Variants in SULF2 observed in about 807,000 individuals in gnomAD.
SULF2 encodes sulfatase 2.
SULF2 carries 52 observed loss-of-function variants against 107.7 expected under a neutral mutation model. The ratio of observed to expected loss-of-function variants is 0.48; its 90% CI spans 0.39 to 0.61. SULF2 has a LOEUF of 0.61. Among genes scored for constraint, SULF2 ranks in the 20% least tolerant of loss-of-function variants. The pLI is 0.00. For missense variants in SULF2, 993 were observed against 1,177.3 expected (o/e 0.84, Z 2.29); for synonymous variants, 460 against 464.3 (o/e 0.99, Z 0.12).
intron 1 of SULF2, among the ~76,000 whole-genome samples, chr20:47,773,841 C>G (rs1017621050): frequency 2.0e-5 from 3 of 152,200 alleles, no homozygotes; most frequent in African/African-American, 7.2e-5. Context: ...CCCACATTTT[C>G]TTAGCCCTGC....
chr20:47,671,330 C>G (rs946724649), intron 11 of SULF2, among the ~76,000 whole-genome samples: 1 of 151,888 alleles, frequency 6.6e-6, no homozygotes, highest in African/African-American at 2.4e-5. Context: ...TTTTTGAGAC[C>G]GAGTCTCACT....
At position 47,738,855 on chromosome 20, in the gene SULF2, T is replaced by C. The variant is rs528840879; in HGVS notation, c.176-1913A>G. On this transcript the variant is annotated intron_variant, in intron 2 of 20. Coordinates refer to ENST00000688720, the MANE Select transcript of SULF2 (RefSeq NM_001387048.1). Reference sequence around the variant, plus strand: ...GAAGACAGACCAATACAGGGTGTCTTTGCAGATGTAATTAAATTGAGGCTA... The same window carrying C: ...GAAGACAGACCAATACAGGGTGTCTCTGCAGATGTAATTAAATTGAGGCTA... 7.2e-5 allele frequency among the ~76,000 whole-genome samples: 11 copies of C among 152,312 alleles called. No homozygotes were observed. The South Asian group carries it at 8.3e-4, about 11-fold the overall frequency.
rs990307245 is a variant in SULF2 at position 47,664,028 on chromosome 20, G to A, written c.2057+102C>T. ...GCTACCGTGGACTTCCCAGGGAAGG[G>A]CCTGGACTTCTTTCCTTTTCTTCTG... On this transcript the variant is annotated intron_variant, in intron 15 of 20. Transcript: ENST00000688720. 11 of 1,273,620 alleles carry A rather than the reference G, an allele frequency of 8.6e-6. 1 individual carries two copies. The Middle Eastern group carries it at 1.2e-3, about 138-fold the overall frequency. The allele number at this position is 1,273,620 out of a possible 1,614,324, so 78.9% of individuals were successfully genotyped here. A position where few individuals can be genotyped will look rare whatever the true frequency, so the allele number is the denominator to read the frequency against.
intron 4 of SULF2, among the ~76,000 whole-genome samples, chr20:47,696,204 C>T (rs1316700160): frequency 3.3e-5 from 5 of 152,296 alleles, no homozygotes; most frequent in African/African-American, 1.2e-4. Flanking sequence ...GGAATAGACA[C>T]AGTATATACC....
chr20:47,659,577 G>A lies in SULF2; in HGVS notation c.2528+120C>T, dbSNP rs373482114. On this transcript the variant is annotated intron_variant, in intron 19 of 20. Coordinates refer to ENST00000688720, the MANE Select transcript of SULF2 (RefSeq NM_001387048.1). The stretch of plus-strand genomic sequence containing the variant: ...ATCTTTGGTGGGTGATCCTGGTCTC[G>A]GGCAGACCAGAGGGAAGGGCAGTTT... The A allele has an allele frequency of 3.4e-5, 46 of 1,349,966 alleles. 2 individuals carry two copies. The highest frequency in any genetic ancestry group is 1.4e-4 in the Admixed American group (8 of 57,906). 83.6% of individuals were successfully genotyped at this position (1,349,966 alleles called of 1,614,324 possible). A position where few individuals can be genotyped will look rare whatever the true frequency, so the allele number is the denominator to read the frequency against.
intron 2 of SULF2, among the ~76,000 whole-genome samples, chr20:47,749,192 C>A (rs113296135): frequency 0.048 from 7,363 of 152,224 alleles, 237 homozygotes; most frequent in Middle Eastern, 0.082. Flanking sequence ...TCCCTGATAA[C>A]CTTGAAGCCA....
At chr20:47,705,645 G>A (rs1301040288) in intron 3 of SULF2, among the ~76,000 whole-genome samples, 2 of 152,224 alleles carry the variant, frequency 1.3e-5, no homozygotes, top group East Asian at 3.9e-4. Context: ...AGACATTTTT[G>A]GTTTCATCAC....
At chr20:47,733,390 C>T (rs530504136) in intron 3 of SULF2, among the ~76,000 whole-genome samples, 2 of 152,116 alleles carry the variant, frequency 1.3e-5, no homozygotes, top group Non-Finnish European at 2.9e-5. Context: ...ACATTATATT[C>T]CTCCCTACAC....
chr20:47,780,072 A>G (rs1430815018), intron 1 of SULF2, among the ~76,000 whole-genome samples: 3 of 142,182 alleles, frequency 2.1e-5, no homozygotes, highest in Non-Finnish European at 4.5e-5. Flanking sequence ...GCTGGAATGC[A>G]GAAGTGTGAT....
chr20:47,677,295 C>T (rs2087676036), intron 8 of SULF2, among the ~76,000 whole-genome samples, 161 bp from the exon 9 acceptor site: 1 of 152,164 alleles, frequency 6.6e-6, no homozygotes, highest in Non-Finnish European at 1.5e-5. Context: ...GAGCATTGCC[C>T]ACCCTCCTCT....
intron 1 of SULF2, among the ~76,000 whole-genome samples, chr20:47,767,516 C>T (rs2090549169): frequency 6.6e-6 from 1 of 152,050 alleles, no homozygotes; most frequent in Non-Finnish European, 1.5e-5. Flanking sequence ...CACAGTGGCT[C>T]ACGCCTGTTA....
chr20:47,762,221 G>A (rs151167745), intron 1 of SULF2, among the ~76,000 whole-genome samples: 133 of 152,342 alleles, frequency 8.7e-4, no homozygotes, highest in Non-Finnish European at 1.6e-3. Context: ...TTGAAACTAC[G>A]ATTGCAGCAG....
Position 47,683,265 on chromosome 20 carries a change from C to T in SULF2, c.889-96G>A, listed in dbSNP as rs1177059291. The T allele has an allele frequency of 4.8e-6, 6 of 1,259,470 alleles. No individual in the cohort carries two copies. The Admixed American group carries it at 1.5e-4, about 31-fold the overall frequency. 78.0% of individuals were successfully genotyped at this position (1,259,470 alleles called of 1,614,324 possible). The stretch of plus-strand genomic sequence containing the variant: ...AGGCGCTTGAGATCTCAGGCCCCGT[C>T]CCTCCCCTGCTTCAGGTCTTTGCTC... On this transcript the variant is annotated intron_variant, in intron 6 of 20. Transcript: ENST00000688720.
intron 3 of SULF2, among the ~76,000 whole-genome samples, chr20:47,721,129 C>T (rs998288396): frequency 4.0e-5 from 5 of 124,866 alleles, no homozygotes; most frequent in Admixed American, 8.6e-5. Context: ...CAGCCTGAGT[C>T]GAGTTCTTCT....
intron 3 of SULF2, among the ~76,000 whole-genome samples, chr20:47,723,567 C>T (rs896879742): frequency 6.6e-6 from 1 of 152,202 alleles, no homozygotes; most frequent in Non-Finnish European, 1.5e-5. Context: ...TATTTACAGC[C>T]GCTTCCCATC....
At chr20:47,707,820 T>C (rs559016672) in intron 3 of SULF2, among the ~76,000 whole-genome samples, 1 of 152,338 alleles carries the variant, frequency 6.6e-6, no homozygotes, top group South Asian at 2.1e-4. Context: ...CCTGCGTTTT[T>C]GTTACACCCC....
At chr20:47,673,960 C>T (rs2087559026) in intron 10 of SULF2, among the ~76,000 whole-genome samples, 1 of 152,244 alleles carries the variant, frequency 6.6e-6, no homozygotes, top group Non-Finnish European at 1.5e-5. Flanking sequence ...TCCCCACTGC[C>T]TGCTCCCCGC....
At chr20:47,703,646 A>G (rs769729404) in intron 3 of SULF2, among the ~76,000 whole-genome samples, 5 of 152,218 alleles carry the variant, frequency 3.3e-5, no homozygotes, top group African/African-American at 4.8e-5. Flanking sequence ...TCTACCCAAC[A>G]ATTTAAATCT....
rs1172068313 is a variant in SULF2 at position 47,661,893 on chromosome 20, T to C, written c.2374A>G (p.Met792Val). The change falls in exon 18 of 21, where the codon ATG becomes GTG. Residue 792 changes from methionine to valine, a missense_variant. Transcript: ENST00000688720. ...FDLNTDPYQLMNAVNTLDRDV... is the reference protein window; with the variant it reads ...FDLNTDPYQLVNAVNTLDRDV... Reference sequence around the variant, plus strand: ...CTGTCCAGTGTGTTCACTGCATTCATCAGCTGGTTGCAAAAAAGGTAGTCT... The same window carrying C: ...CTGTCCAGTGTGTTCACTGCATTCACCAGCTGGTTGCAAAAAAGGTAGTCT... The C allele has an allele frequency of 2.6e-6, 4 of 1,552,756 alleles. No individual in the cohort carries two copies. Among genetic ancestry groups the C allele is most frequent in the East Asian group, 4.7e-5 (2 of 42,848 alleles).
Sources: allele counts gnomAD v4.1 joint callset (sites outside exome capture counted in the v4.1 genomes callset), GRCh38; gene constraint gnomAD v4.1.1; transcripts MANE v1.5; gene names NCBI Gene and HGNC (gene_info 2026-07-23, HGNC 2026-07-21).